The following ODF1 variants were observed in gnomAD, a reference collection of about 807,000 sequenced individuals.
The protein encoded by ODF1 is outer dense fiber protein 1.
A neutral mutation model predicts 24.0 loss-of-function variants in ODF1; 10 were observed. That is an observed-to-expected ratio of 0.42 (90% CI 0.26 to 0.71). ODF1 has a LOEUF of 0.71. Among genes scored for constraint, ODF1 ranks in the 30% least tolerant of loss-of-function variants. The pLI is 0.28. For synonymous variants in ODF1, 118 were observed against 121.3 expected (o/e 0.97, Z 0.18); for missense variants, 282 against 307.9 (o/e 0.92, Z 0.63).
intron 1 of ODF1, 26 bp from the exon 2 acceptor site, chr8:102,560,426 C>A: frequency 1.2e-6 from 2 of 1,604,544 alleles, no homozygotes; most frequent in South Asian, 2.2e-5. Context: ...AGCTCCCTCC[C>A]ACCCTATCCC....
Position 102,560,519 on chromosome 8 carries a change from A to G in ODF1, c.388A>G (p.Asn130Asp). The G allele has an allele frequency of 4.3e-6, 7 of 1,614,178 alleles. No individual in the cohort carries two copies. The South Asian group carries it at 5.5e-5, about 13-fold the overall frequency. Reference sequence around the variant, plus strand: ...TAGCAGTAACATTTTAGGATCGGTGAATGTATGCGGTTTTGAACCCGATCA... The same window carrying G: ...TAGCAGTAACATTTTAGGATCGGTGGATGTATGCGGTTTTGAACCCGATCA... ...CCSSNILGSV[N>D]VCGFEPDQVK... Residue 130 changes from asparagine to aspartate, a missense_variant, in exon 2 of 2, where the codon AAT becomes GAT. Physicochemically the swap from Asn to Asp is conservative, Grantham distance 23. Coordinates refer to ENST00000285402, the MANE Select transcript of ODF1 (RefSeq NM_024410.4).
chr8:102,555,475 G>T (rs1826101284), intron 1 of ODF1, among the ~76,000 whole-genome samples: 2 of 152,154 alleles, frequency 1.3e-5, no homozygotes, highest in Admixed American at 1.3e-4. Context: ...GTCTGTTGTT[G>T]GCACGAATCT....
chr8:102,552,733 T>A (rs2511704), intron 1 of ODF1, among the ~76,000 whole-genome samples: 137,263 of 151,908 alleles, frequency 0.9, 62,198 homozygotes, highest in African/African-American at 0.94. Flanking sequence ...TTTAAAAAAA[T>A]TTTTGTTTTA....
intron 1 of ODF1, 74 bp downstream of exon 1, chr8:102,552,121 ACAAT>A: frequency 9.6e-7 from 1 of 1,041,824 alleles, no homozygotes; most frequent in Non-Finnish European, 1.4e-6. Flanking sequence ...AAAATATGTG[ACAAT>A]CAATAGTTGA....
chr8:102,554,489 GT>G (rs1201298665), intron 1 of ODF1, among the ~76,000 whole-genome samples: 1 of 152,174 alleles, frequency 6.6e-6, no homozygotes, highest in Non-Finnish European at 1.5e-5. Context: ...CCTTGAAACT[GT>G]TTTTCTGTGT....
intron 1 of ODF1, 21 bp downstream of exon 1, chr8:102,552,068 A>G: frequency 6.5e-7 from 1 of 1,543,340 alleles, no homozygotes; most frequent in Non-Finnish European, 8.8e-7. Flanking sequence ...TTATTTTTAA[A>G]TTTTTATAGT....
At chr8:102,557,751 G>A (rs1310258931) in intron 1 of ODF1, among the ~76,000 whole-genome samples, 2 of 152,232 alleles carry the variant, frequency 1.3e-5, no homozygotes, top group African/African-American at 4.8e-5. Flanking sequence ...ATCCTGGTGG[G>A]ATTTGATGTT....
chr8:102,558,745 T>C (rs1044932218), intron 1 of ODF1, among the ~76,000 whole-genome samples: 9 of 144,718 alleles, frequency 6.2e-5, no homozygotes, highest in Non-Finnish European at 1.2e-4. Context: ...TATATAGAAC[T>C]ACACACACAC....
At chr8:102,559,842 A>G (rs1826155901) in intron 1 of ODF1, among the ~76,000 whole-genome samples, 1 of 151,648 alleles carries the variant, frequency 6.6e-6, no homozygotes, top group Admixed American at 6.6e-5. Context: ...GCTGGGTTCG[A>G]AAGCTGACAG....
intron 1 of ODF1, among the ~76,000 whole-genome samples, chr8:102,554,800 A>G (rs1322901132): frequency 2.0e-5 from 3 of 152,160 alleles, no homozygotes; most frequent in Non-Finnish European, 4.4e-5. Flanking sequence ...AAAAATTAAA[A>G]TAAAAAAATT....
At position 102,560,471 on chromosome 8, in the gene ODF1, A is replaced by G; in HGVS notation, c.340A>G (p.Arg114Gly). ...TTCCAGACTGAGAAGAACAACAAAT[A>G]GAATTCTGGCTTCCTCCTGCTGTAG... Reference protein sequence around the residue: ...ELAKLRRTTNRILASSCCSSN... With the variant: ...ELAKLRRTTNGILASSCCSSN... The change falls in exon 2 of 2, where the codon AGA (arginine) becomes GGA (glycine). Residue 114 changes from arginine to glycine, a missense_variant. Transcript: ENST00000285402. 1 of 1,614,122 alleles carries G rather than the reference A, an allele frequency of 6.2e-7. No homozygotes were observed. Among genetic ancestry groups the G allele is most frequent in the Non-Finnish European group, 8.5e-7 (1 of 1,179,914 alleles).
At chr8:102,555,438 A>G (rs2131029949) in intron 1 of ODF1, among the ~76,000 whole-genome samples, 1 of 152,272 alleles carries the variant, frequency 6.6e-6, no homozygotes, top group Non-Finnish European at 1.5e-5. Context: ...GAATCCTGAG[A>G]CCGTGTTTCT....
At chr8:102,554,042 T>C (rs1826080980) in intron 1 of ODF1, among the ~76,000 whole-genome samples, 1 of 152,152 alleles carries the variant, frequency 6.6e-6, no homozygotes, top group Non-Finnish European at 1.5e-5. Flanking sequence ...ATTTCTATGC[T>C]CTATTTCTGA....
Position 102,560,717 on chromosome 8 carries a change from G to T in ODF1, c.586G>T (p.Val196Phe). 6.2e-7 allele frequency: 1 copy of T among 1,613,982 alleles called. No individual in the cohort carries two copies. Among genetic ancestry groups the T allele is most frequent in the Non-Finnish European group, 8.5e-7 (1 of 1,180,018 alleles). ...VTYSYGLGSC[V>F]KIESPCYPCT... The stretch of plus-strand genomic sequence containing the variant: ...ATACTCCTATGGGCTCGGCAGCTGT[G>T]TCAAGATCGAGTCTCCTTGCTACCC... Residue 196 changes from valine to phenylalanine, a missense_variant, in exon 2 of 2, where the codon GTC becomes TTC. Physicochemically the swap from Val to Phe is conservative, Grantham distance 50. Transcript: ENST00000285402.
intron 1 of ODF1, among the ~76,000 whole-genome samples, chr8:102,554,650 G>A (rs1026950775): frequency 2.0e-5 from 3 of 152,118 alleles, no homozygotes; most frequent in Non-Finnish European, 4.4e-5. Flanking sequence ...TTCTTAGACT[G>A]GGCATAGAAA....
chr8:102,559,681 T>C (rs1441395390), intron 1 of ODF1, among the ~76,000 whole-genome samples: 2 of 151,498 alleles, frequency 1.3e-5, no homozygotes, highest in Non-Finnish European at 2.9e-5. Flanking sequence ...CTTCCCAGCC[T>C]GGAGGAGCCA....
chr8:102,554,749 T>C (rs1826091793), intron 1 of ODF1, among the ~76,000 whole-genome samples: 1 of 152,170 alleles, frequency 6.6e-6, no homozygotes, highest in African/African-American at 2.4e-5. Context: ...GTCCGGGAGT[T>C]TGGGACCAGC....
At chr8:102,553,169 C>G (rs1304437088) in intron 1 of ODF1, among the ~76,000 whole-genome samples, 1 of 147,572 alleles carries the variant, frequency 6.8e-6, no homozygotes, top group African/African-American at 2.5e-5. Context: ...TCGAGACCAG[C>G]CTGGCTAACA....
chr8:102,552,174 C>A, intron 1 of ODF1, 127 bp downstream of exon 1: 1 of 643,244 alleles, frequency 1.6e-6, no homozygotes, highest in Non-Finnish European at 2.5e-6. Flanking sequence ...ACCCTGGTGA[C>A]TTAGGAAAGA....
Sources: gnomAD v4.1 joint callset for allele counts (sites outside exome capture counted in the v4.1 genomes callset) on GRCh38, gnomAD v4.1.1 for gene constraint, MANE v1.5 for transcripts, NCBI Gene and HGNC (gene_info 2026-07-23, HGNC 2026-07-21) for gene names.